PPM1L: variants seen among roughly 807,000 people sequenced by gnomAD.
PPM1L encodes protein phosphatase 1L.
PPM1L carries 13 observed loss-of-function variants against 31.4 expected under a neutral mutation model. The ratio of observed to expected loss-of-function variants is 0.41; its 90% confidence interval spans 0.27 to 0.66. The LOEUF (loss-of-function observed/expected upper bound fraction) is 0.66, where lower values mean the gene tolerates loss of function less well. PPM1L is among the 30% of genes least tolerant of loss of function. The pLI, the probability that PPM1L is intolerant of heterozygous loss-of-function variation, is 0.29. For synonymous variants in PPM1L, 184 were observed against 175.4 expected (o/e 1.05, Z -0.39); for missense variants, 326 against 453.7 (o/e 0.72, Z 2.56).
intron 1 of PPM1L, among the ~76,000 whole-genome samples, chr3:160,813,502 G>A (rs1712876893): frequency 6.6e-6 from 1 of 152,060 alleles, no homozygotes; most frequent in Non-Finnish European, 1.5e-5. Context: ...ACCATGCCCA[G>A]CTAAGTTTTG....
At chr3:160,852,065 A>G (rs1285318930) in intron 1 of PPM1L, among the ~76,000 whole-genome samples, 5 of 152,212 alleles carry the variant, frequency 3.3e-5, no homozygotes, top group African/African-American at 9.6e-5. Context: ...TTCAGGGCGA[A>G]TGAAGATTAC....
chr3:160,915,586 G>C (rs2108066549), intron 1 of PPM1L, among the ~76,000 whole-genome samples: 1 of 152,262 alleles, frequency 6.6e-6, no homozygotes, highest in Admixed American at 6.5e-5. Context: ...AACCAAAAAG[G>C]AGCCCGCATT....
chr3:161,042,067 C>T (rs1238155641), intron 2 of PPM1L, among the ~76,000 whole-genome samples: 1 of 152,180 alleles, frequency 6.6e-6, no homozygotes, highest in Non-Finnish European at 1.5e-5. Context: ...AAACCTTCCT[C>T]CCCACCACCC....
chr3:160,861,578 C>A (rs1442523725), intron 1 of PPM1L, among the ~76,000 whole-genome samples: 1 of 152,096 alleles, frequency 6.6e-6, no homozygotes, highest in Non-Finnish European at 1.5e-5. Flanking sequence ...GTTTCCTAAT[C>A]TGTATAGCGG....
At chr3:160,814,746 T>C (rs887704312) in intron 1 of PPM1L, among the ~76,000 whole-genome samples, 1 of 124,340 alleles carries the variant, frequency 8.0e-6, no homozygotes, top group Non-Finnish European at 1.6e-5. Flanking sequence ...TATATATGTG[T>C]ATATATATAT....
At chr3:160,973,356 G>T (rs1269598232) in intron 2 of PPM1L, among the ~76,000 whole-genome samples, 1 of 152,186 alleles carries the variant, frequency 6.6e-6, no homozygotes, top group East Asian at 1.9e-4. Flanking sequence ...AATTGGACCA[G>T]GTGGTCATAC....
Position 161,070,225 on chromosome 3 carries a change from A to C in PPM1L, c.*1068A>C, listed in dbSNP as rs548385545. ...AGTGTTCTGAGAAGCAGCAGCCTAT[A>C]ACTGTATGTGTGTTCCTTGAAGCCA... On this transcript the variant is annotated 3_prime_UTR_variant, in exon 4 of 4. Transcript: ENST00000498165. The C allele has an allele frequency of 6.6e-6, 1 of 152,344 alleles. No homozygotes were observed. The highest frequency in any genetic ancestry group is 2.1e-4 in the South Asian group (1 of 4,828). The allele number at this position is 152,344 out of a possible 1,614,324, so 9.4% of individuals were successfully genotyped here. A position where few individuals can be genotyped will look rare whatever the true frequency, so the allele number is the denominator to read the frequency against.
At chr3:160,868,078 ATATTGTAGAATGGCTTC>A (rs1712157957) in intron 1 of PPM1L, among the ~76,000 whole-genome samples, 1 of 152,210 alleles carries the variant, frequency 6.6e-6, no homozygotes, top group Non-Finnish European at 1.5e-5. Flanking sequence ...CCTTAGACTG[ATATTGTAGAATGGCTTC>A]TAAGACTGAA....
chr3:160,974,986 T>C (rs992935796), intron 2 of PPM1L, among the ~76,000 whole-genome samples: 6 of 152,196 alleles, frequency 3.9e-5, no homozygotes, highest in African/African-American at 1.2e-4. Context: ...GATTTTCTTC[T>C]AGGGTTTTTA....
intron 1 of PPM1L, among the ~76,000 whole-genome samples, chr3:160,910,608 G>T (rs1286322344): frequency 6.6e-6 from 1 of 152,138 alleles, no homozygotes; most frequent in East Asian, 1.9e-4. Context: ...ATCGCGCCTG[G>T]CCGGAGCCTG....
At position 161,075,457 on chromosome 3, in the gene PPM1L, A is replaced by T. The variant is rs1260512174; in HGVS notation, c.*6300A>T. 1 of 152,204 alleles carries T rather than the reference A, an allele frequency of 6.6e-6. No individual in the cohort carries two copies. Among genetic ancestry groups the T allele is most frequent in the East Asian group, 1.9e-4 (1 of 5,194 alleles). 9.4% of individuals were successfully genotyped at this position (152,204 alleles called of 1,614,324 possible). A position where few individuals can be genotyped will look rare whatever the true frequency, so the allele number is the denominator to read the frequency against. On this transcript the variant is annotated 3_prime_UTR_variant, in exon 4 of 4. Coordinates refer to ENST00000498165, the MANE Select transcript of PPM1L (RefSeq NM_139245.4). ...CATTCAAAAAATGGGCTTGTCTCTT[A>T]GAGTATTGGTTAATGCTTTGCTTAT... is the stretch of plus-strand genomic sequence containing the variant.
intron 1 of PPM1L, among the ~76,000 whole-genome samples, chr3:160,764,471 C>G (rs1715053644): frequency 6.6e-6 from 1 of 151,394 alleles, no homozygotes. Context: ...CTCTCTCTCT[C>G]TCTCTTTTTT....
rs114599130 is a variant in PPM1L, at chr3:161,061,879, A to G, written c.575-3524A>G. ...CAACAACAACAAAAAATTCAACTCA[A>G]AAAGTCTCAAACAAGAAAGGCATTT... On this transcript the variant is annotated intron_variant, in intron 2 of 3. Transcript: ENST00000498165. 6.1e-3 allele frequency among the ~76,000 whole-genome samples: 934 copies of G among 152,294 alleles called. 2 individuals carry two copies. Among genetic ancestry groups the G allele is most frequent in the Non-Finnish European group, 9.5e-3 (644 of 68,020 alleles).
intron 1 of PPM1L, among the ~76,000 whole-genome samples, chr3:160,925,726 C>G (rs1023451105): frequency 5.9e-5 from 9 of 152,026 alleles, no homozygotes; most frequent in African/African-American, 2.2e-4. Flanking sequence ...TAGATGAAAT[C>G]AGTGATATAA....
chr3:160,931,438 A>G (rs906640152), intron 1 of PPM1L, among the ~76,000 whole-genome samples: 1 of 152,180 alleles, frequency 6.6e-6, no homozygotes, highest in African/African-American at 2.4e-5. Context: ...AACACCTACT[A>G]TTTTTCCAAG....
intron 2 of PPM1L, among the ~76,000 whole-genome samples, chr3:161,049,121 T>C (rs1719182555): frequency 6.8e-6 from 1 of 147,796 alleles, no homozygotes. Flanking sequence ...CTCCAAAACA[T>C]ACAAAAATTA....
At chr3:161,042,551 C>T (rs1430714091) in intron 2 of PPM1L, among the ~76,000 whole-genome samples, 1 of 152,152 alleles carries the variant, frequency 6.6e-6, no homozygotes, top group African/African-American at 2.4e-5. Flanking sequence ...CAGTTCCATG[C>T]CACCTGGCAG....
At chr3:160,865,664 A>G (rs1712062648) in intron 1 of PPM1L, among the ~76,000 whole-genome samples, 1 of 152,196 alleles carries the variant, frequency 6.6e-6, no homozygotes, top group Non-Finnish European at 1.5e-5. Flanking sequence ...AGTCCCAGCT[A>G]CTTGGGAGGC....
rs1415808551 is a variant in PPM1L, at chr3:160,961,775, C to A, written c.439C>A (p.Leu147Ile). 1 of 1,600,742 alleles carries A rather than the reference C, an allele frequency of 6.2e-7. No individual in the cohort carries two copies. Among genetic ancestry groups the A allele is most frequent in the East Asian group, 2.3e-5 (1 of 44,084 alleles). The stretch of plus-strand genomic sequence containing the variant: ...TGTAAAATCTCGACTCCCAGAGGCC[C>A]TTAAACAGCATCTTCAGGACTACGA... ...EYVKSRLPEALKQHLQDYEKD... is the reference protein window; with the variant it reads ...EYVKSRLPEAIKQHLQDYEKD... Residue 147 changes from leucine (L) to isoleucine (I), a missense_variant, in exon 2 of 4, where the codon CTT (leucine) becomes ATT (isoleucine). Physicochemically the swap from Leu to Ile is conservative, Grantham distance 5. Around this residue, in one of 3 missense-constraint regions of PPM1L, gnomAD observed 201 missense variants for 298.2 expected, o/e 0.67. Transcript: ENST00000498165.
Sources: gnomAD v4.1 joint callset for allele counts (sites outside exome capture counted in the v4.1 genomes callset) on GRCh38, gnomAD v4.1.1 for gene constraint, gnomAD v4.1.1 regional missense constraint, MANE v1.5 for transcripts, NCBI Gene and HGNC (gene_info 2026-07-23, HGNC 2026-07-21) for gene names.